The following EYA3 variants were observed in gnomAD, a reference collection of about 807,000 sequenced individuals.
The protein encoded by EYA3 is EYA transcriptional coactivator and phosphatase 3.
A neutral mutation model predicts 80.0 loss-of-function variants in EYA3; 39 were observed. The ratio of observed to expected loss-of-function variants is 0.49; its 90% confidence interval spans 0.38 to 0.64. EYA3 has a LOEUF of 0.64. Ranked by LOEUF, EYA3 falls within the 30% of genes least tolerant of loss-of-function variation. The pLI is 0.00. For synonymous variants in EYA3, 206 were observed against 232.8 expected (o/e 0.88, Z 1.05); for missense variants, 523 against 676.1 (o/e 0.77, Z 2.51).
chr1:28,082,933 T>C (rs1645483693), intron 1 of EYA3, among the ~76,000 whole-genome samples: 1 of 152,184 alleles, frequency 6.6e-6, no homozygotes, highest in African/African-American at 2.4e-5. Context: ...ACATCGGTAG[T>C]AAAAGGTTTG....
At chr1:28,075,381 C>G (rs1285073905) in intron 1 of EYA3, among the ~76,000 whole-genome samples, 1 of 152,220 alleles carries the variant, frequency 6.6e-6, no homozygotes, top group African/African-American at 2.4e-5. Flanking sequence ...CTGCCTTTAA[C>G]TGTTTTCAAT....
chr1:28,005,261 TTA>T (rs1641182890), intron 10 of EYA3, among the ~76,000 whole-genome samples: 1 of 152,052 alleles, frequency 6.6e-6, no homozygotes, highest in South Asian at 2.1e-4. Context: ...TTCCAAACAT[TTA>T]CAGAATTAAC....
At chr1:27,998,203 T>C (rs1418800265) in intron 12 of EYA3, 2 of 502,770 alleles carry the variant, frequency 4.0e-6, no homozygotes, top group Non-Finnish European at 5.1e-6. Flanking sequence ...TCAGAATTTC[T>C]GAGAGTGAAG....
At chr1:28,012,409 C>T (rs972299771) in intron 9 of EYA3, among the ~76,000 whole-genome samples, 4 of 152,172 alleles carry the variant, frequency 2.6e-5, no homozygotes, top group Non-Finnish European at 4.4e-5. Context: ...GTAGGGTGAC[C>T]GCACAGAAAA....
chr1:28,004,361 C>T lies in EYA3; in HGVS notation c.968G>A (p.Gly323Glu). 6.2e-7 allele frequency: 1 copy of T among 1,604,792 alleles called. No homozygotes were observed. The highest frequency in any genetic ancestry group is 8.5e-7 in the Non-Finnish European group (1 of 1,173,430). Residue 323 changes from glycine to glutamate, a missense_variant, in exon 11 of 18, where the codon GGA becomes GAA. By Grantham distance (98) the Gly-to-Glu change is moderately conservative. This residue lies in a region of EYA3 where 219 missense variants were observed against 332.8 expected (regional missense o/e 0.66). Coordinates refer to ENST00000373871, the MANE Select transcript of EYA3 (RefSeq NM_001990.4). ...TIIIFHSLLT[G>E]SYAQKYGKDP... is the part of the protein sequence containing the mutation. The stretch of plus-strand genomic sequence containing the variant: ...CTTTCCATATTTCTGGGCATAGGAT[C>T]CAGTAAGAAGTGAGTGGAAGATGAT...
Position 28,013,240 on chromosome 1 carries a change from TG to T in EYA3, c.639del (p.Ser214AlafsTer19). 6.2e-7 allele frequency: 1 copy of T among 1,614,138 alleles called. No individual in the cohort carries two copies. The highest frequency in any genetic ancestry group is 8.5e-7 in the Non-Finnish European group (1 of 1,179,992). On this transcript the variant is annotated frameshift_variant, in exon 9 of 18. Coordinates refer to ENST00000373871, the MANE Select transcript of EYA3 (RefSeq NM_001990.4). LOFTEE classifies it high-confidence loss of function. The surrounding 1 kb of genome is among the most constrained non-coding windows in gnomAD (Gnocchi z 4.0). ...LGQNQYQACY[P>X]SSSFGVTGQT... Reference sequence around the variant, plus strand: ...TGACCTGTGACTCCAAAGCTGGAGCTGGGGTAGCAGGCCTGGTACTGATTCT... The same window carrying T: ...TGACCTGTGACTCCAAAGCTGGAGCTGGGTAGCAGGCCTGGTACTGATTCT...
intron 3 of EYA3, among the ~76,000 whole-genome samples, chr1:28,044,917 ATG>A (rs1318556793): frequency 6.6e-6 from 1 of 151,986 alleles, no homozygotes; most frequent in Non-Finnish European, 1.5e-5. Flanking sequence ...GACTACAGGC[ATG>A]TGCCACAACA....
chr1:27,986,349 G>C (rs951569635), intron 16 of EYA3, among the ~76,000 whole-genome samples: 4 of 150,904 alleles, frequency 2.7e-5, no homozygotes, highest in Non-Finnish European at 5.9e-5. Flanking sequence ...TGAGCAACAA[G>C]AGCGAAACTC....
intron 5 of EYA3, among the ~76,000 whole-genome samples, chr1:28,037,815 G>GT (rs1458609567): frequency 6.6e-6 from 1 of 152,188 alleles, no homozygotes; most frequent in African/African-American, 2.4e-5. Flanking sequence ...AAGAAAGACA[G>GT]TTTCCTTTTT....
At chr1:28,069,038 C>G (rs1290642207) in intron 1 of EYA3, among the ~76,000 whole-genome samples, 2 of 152,180 alleles carry the variant, frequency 1.3e-5, no homozygotes, top group African/African-American at 4.8e-5. Context: ...AACTCCTGGT[C>G]TCAAGTGATC....
chr1:28,001,104 A>G (rs983564364), intron 11 of EYA3, among the ~76,000 whole-genome samples: 7 of 150,932 alleles, frequency 4.6e-5, no homozygotes, highest in Admixed American at 3.3e-4. Flanking sequence ...ACACATATCT[A>G]TATCACTGTA....
chr1:27,971,265 C>T lies in EYA3; in HGVS notation c.*3201G>A. 6.6e-6 allele frequency: 1 copy of T among 152,338 alleles called. No homozygotes were observed. 9.4% of individuals were successfully genotyped at this position (152,338 alleles called of 1,614,324 possible). ...ACTCCAGATCTACTACTAGAGAGAGCCCTCACCGTGACATTACAGACCCAT... is the reference window on the plus strand; with the variant it reads ...ACTCCAGATCTACTACTAGAGAGAGTCCTCACCGTGACATTACAGACCCAT... On this transcript the variant is annotated 3_prime_UTR_variant, in exon 18 of 18. Transcript: ENST00000373871.
In EYA3 at chr1:27,978,414, A is replaced by C; in HGVS notation, c.1601T>G (p.Val534Gly). ...TTCTTCATCTCGTCCATCTCCAATC[A>C]CTACATATGTGACTTTCTTTCCAAA... ...SRFGKKVTYVVIGDGRDEEIA... is the reference protein window; with the variant it reads ...SRFGKKVTYVGIGDGRDEEIA... Residue 534 changes from valine (V) to glycine (G), a missense_variant, in exon 17 of 18, where the codon GTG becomes GGG. Val to Gly is a moderately radical substitution (Grantham distance 109). Around this residue, in one of 2 missense-constraint regions of EYA3, gnomAD observed 219 missense variants for 332.8 expected, o/e 0.66. Transcript: ENST00000373871. The C allele has an allele frequency of 6.2e-7, 1 of 1,614,064 alleles. No homozygotes were observed. Among genetic ancestry groups the C allele is most frequent in the Non-Finnish European group, 8.5e-7 (1 of 1,179,974 alleles).
At chr1:28,004,651 G>A (rs1358738670) in intron 10 of EYA3, among the ~76,000 whole-genome samples, 1 of 151,880 alleles carries the variant, frequency 6.6e-6, no homozygotes, top group African/African-American at 2.4e-5. Flanking sequence ...TGAAAGCAGT[G>A]CTAAGAGGAA....
chr1:27,983,821 A>G (rs932966997), intron 16 of EYA3, among the ~76,000 whole-genome samples: 3 of 151,922 alleles, frequency 2.0e-5, no homozygotes, highest in Non-Finnish European at 2.9e-5. Context: ...ACGCCCAGCT[A>G]ATTTTGTATT....
intron 16 of EYA3, among the ~76,000 whole-genome samples, chr1:27,986,906 G>A (rs1286124610): frequency 6.6e-6 from 1 of 151,076 alleles, no homozygotes; most frequent in African/African-American, 2.4e-5. Context: ...GTTTCACCGT[G>A]TGAGCCAGGA....
intron 13 of EYA3, among the ~76,000 whole-genome samples, chr1:27,993,921 C>T (rs1177078024): frequency 6.6e-6 from 1 of 151,990 alleles, no homozygotes; most frequent in African/African-American, 2.4e-5. Flanking sequence ...ACAGTGATTG[C>T]AACTATGTAA....
At position 27,997,357 on chromosome 1, in the gene EYA3, C is replaced by T. The variant is rs746552493; in HGVS notation, c.1105G>A (p.Glu369Lys). Residue 369 changes from glutamate (E) to lysine (K), a missense_variant, in exon 13 of 18, where the codon GAA becomes AAA. This residue lies in a region of EYA3 where 219 missense variants were observed against 332.8 expected (regional missense o/e 0.66). Transcript: ENST00000373871. Reference protein sequence around the residue: ...DLEECDQVHVEDVASDDNGQD... With the variant: ...DLEECDQVHVKDVASDDNGQD... The stretch of plus-strand genomic sequence containing the variant: ...CCATTGTCATCAGAAGCCACATCTT[C>T]CACATGTACCTGGTCACACTCCTGT... 1 of 1,614,120 alleles carries T rather than the reference C, an allele frequency of 6.2e-7. No individual in the cohort carries two copies. The highest frequency in any genetic ancestry group is 8.5e-7 in the Non-Finnish European group (1 of 1,179,974).
At chr1:28,071,453 T>C (rs1184121370) in intron 1 of EYA3, among the ~76,000 whole-genome samples, 5 of 152,218 alleles carry the variant, frequency 3.3e-5, no homozygotes, top group Admixed American at 2.6e-4. Flanking sequence ...TTACTAAATA[T>C]TTAATTTTTA....
Sources: gnomAD v4.1 joint callset for allele counts (sites outside exome capture counted in the v4.1 genomes callset) on GRCh38, gnomAD v4.1.1 for gene constraint, gnomAD v4.1.1 regional missense constraint, Gnocchi (gnomAD v3.1) non-coding constraint, MANE v1.5 for transcripts, NCBI Gene and HGNC (gene_info 2026-07-23, HGNC 2026-07-21) for gene names.